Variants in CD96 observed in about 807,000 individuals in gnomAD.
CD96 encodes the protein T-cell surface protein tactile.
CD96 carries 70 observed loss-of-function variants against 71.3 expected under a neutral mutation model. The ratio of observed to expected loss-of-function variants is 0.98; its 90% CI spans 0.81 to 1.20. The LOEUF (loss-of-function observed/expected upper bound fraction) is 1.20, where lower values mean the gene tolerates loss of function less well. CD96 is among the 50% of genes most tolerant of loss of function. The pLI, the probability that CD96 is intolerant of heterozygous loss-of-function variation, is 0.00. For missense variants in CD96, 742 were observed against 677.5 expected, an observed-to-expected ratio of 1.10 and a Z score of -1.06; for synonymous variants, 248 against 233.0, an observed-to-expected ratio of 1.06 and a Z score of -0.59.
intron 2 of CD96, among the ~76,000 whole-genome samples, chr3:111,556,834 G>A (rs1241569770): frequency 6.6e-6 from 1 of 151,536 alleles, no homozygotes; most frequent in East Asian, 1.9e-4. Flanking sequence ...GTGTAAAAGT[G>A]TTCCTGTTTC....
At chr3:111,580,202 G>A (rs147506635) in intron 4 of CD96, among the ~76,000 whole-genome samples, 13 of 152,324 alleles carry the variant, frequency 8.5e-5, no homozygotes, top group African/African-American at 3.1e-4. Context: ...TGCACTCTCA[G>A]GAGTGTGGAG....
chr3:111,599,943 G>A (rs1226057588), intron 6 of CD96, among the ~76,000 whole-genome samples: 1 of 152,198 alleles, frequency 6.6e-6, no homozygotes, highest in African/African-American at 2.4e-5. Flanking sequence ...CTGACATATA[G>A]TGATAGTTGG....
chr3:111,569,647 A>G lies in CD96; in HGVS notation c.543+2000A>G, dbSNP rs368812353. Among the ~76,000 whole-genome samples the G allele has an allele frequency of 2.6e-5, 4 of 152,344 alleles. No individual in the cohort carries two copies. In the East Asian group the frequency reaches 7.7e-4, roughly 29 times the overall value. On this transcript the variant is annotated intron_variant, in intron 3 of 13. Transcript: ENST00000352690. ...CTGGTTTAATAAAGCCTTACTGTAG[A>G]TATTTTTACTGTAGTGTTCTTATCT...
downstream of CD96, among the ~76,000 whole-genome samples, chr3:111,653,713 T>C (rs1467488471): frequency 6.6e-6 from 1 of 152,214 alleles, no homozygotes; most frequent in Non-Finnish European, 1.5e-5. Flanking sequence ...ATTGCTTTGG[T>C]ATCTCCTTTT....
intron 2 of CD96, among the ~76,000 whole-genome samples, chr3:111,559,671 A>G (rs1576316269): frequency 7.2e-5 from 1 of 13,846 alleles, no homozygotes; most frequent in Non-Finnish European, 1.3e-4. Context: ...GTGCTGAAAA[A>G]AATGTATATT....
At chr3:111,663,345 G>A (rs1015618275) in intron 14 of CD96, among the ~76,000 whole-genome samples, 1 of 152,172 alleles carries the variant, frequency 6.6e-6, no homozygotes, top group African/African-American at 2.4e-5. Context: ...AGGACACAAA[G>A]CCAAACTGTA....
At chr3:111,637,738 A>C (rs1245114974) in intron 11 of CD96, among the ~76,000 whole-genome samples, 1 of 150,858 alleles carries the variant, frequency 6.6e-6, no homozygotes, top group Non-Finnish European at 1.5e-5. Context: ...TACCACTTAC[A>C]TTTCTCATGG....
intron 5 of CD96, chr3:111,594,808 C>G (rs1399094451): frequency 6.0e-6 from 1 of 167,202 alleles, no homozygotes; most frequent in East Asian, 1.9e-4. Flanking sequence ...TTCCTAAGAA[C>G]TGTTGCAACA....
chr3:111,665,152 G>A (rs1483542160), intron 14 of CD96, among the ~76,000 whole-genome samples: 1 of 151,822 alleles, frequency 6.6e-6, no homozygotes, highest in Non-Finnish European at 1.5e-5. Flanking sequence ...AAAGACAGAT[G>A]AATCTAGGTA....
intron 9 of CD96, 151 bp from the exon 10 acceptor site, chr3:111,624,182 A>G (rs1235103831): frequency 1.4e-5 from 10 of 689,890 alleles, no homozygotes; most frequent in Admixed American, 8.3e-5. Flanking sequence ...GCTTTTGCTT[A>G]ATATGCCAGC....
chr3:111,584,372 C>G (rs1936606303), intron 4 of CD96, among the ~76,000 whole-genome samples: 1 of 152,178 alleles, frequency 6.6e-6, no homozygotes, highest in Admixed American at 6.5e-5. Flanking sequence ...TCTGAGCCCT[C>G]CAAACTGTTT....
At position 111,651,314 on chromosome 3, in the gene CD96, T is replaced by C. The variant is rs953829044; in HGVS notation, c.*1508T>C. The C allele has an allele frequency of 6.6e-6, 1 of 152,176 alleles. No homozygotes were observed. The highest frequency in any genetic ancestry group is 1.5e-5 in the Non-Finnish European group (1 of 68,054). 9.4% of individuals were successfully genotyped at this position (152,176 alleles called of 1,614,324 possible). A position where few individuals can be genotyped will look rare whatever the true frequency, so the allele number is the denominator to read the frequency against. ...GGTCCCCTCCAATGCTGAATACAGATGATTTGTGTAACCTGAGGCCAGGAT... is the reference window on the plus strand; with the variant it reads ...GGTCCCCTCCAATGCTGAATACAGACGATTTGTGTAACCTGAGGCCAGGAT... On this transcript the variant is annotated 3_prime_UTR_variant, in exon 14 of 14. Transcript: ENST00000352690.
rs147566837 is a variant in CD96 at position 111,658,964 on chromosome 3, G to C, written c.*53-6563G>C. 3.1e-3 allele frequency among the ~76,000 whole-genome samples: 478 copies of C among 152,266 alleles called. 1 individual carries two copies. Among genetic ancestry groups the C allele is most frequent in the African/African-American group, 0.011 (442 of 41,550 alleles). Reference sequence around the variant, plus strand: ...TCTGGAATAGTTTCAGTAGGATCGTGTCAGTTCTTTGTACATCTGGTAGAA... The same window carrying C: ...TCTGGAATAGTTTCAGTAGGATCGTCTCAGTTCTTTGTACATCTGGTAGAA... On this transcript the variant is annotated intron_variant and NMD_transcript_variant, in intron 14 of 14. Transcript: ENST00000494798.
intron 3 of CD96, among the ~76,000 whole-genome samples, chr3:111,573,955 A>G (rs1194591184): frequency 6.6e-6 from 1 of 152,246 alleles, no homozygotes. Flanking sequence ...AGCAATGGTT[A>G]GAAATATATT....
chr3:111,566,177 CATAT>C (rs150813999), intron 2 of CD96, among the ~76,000 whole-genome samples: 1 of 149,700 alleles, frequency 6.7e-6, no homozygotes. Context: ...CGTTTTATAA[CATAT>C]ATATATATAT....
At chr3:111,631,609 T>C (rs1939065401) in intron 10 of CD96, among the ~76,000 whole-genome samples, 1 of 151,586 alleles carries the variant, frequency 6.6e-6, no homozygotes, top group Non-Finnish European at 1.5e-5. Flanking sequence ...TAAACTACCA[T>C]TGACATTCTT....
In CD96 at chr3:111,602,342, G is replaced by A. The variant is rs910704956; in HGVS notation, c.1087+1428G>A. ...CAGAAAATAATGAATACCTTTTTAG[G>A]TAATAGGAAGAACACTGATTCTGAT... On this transcript the variant is annotated intron_variant, in intron 7 of 13. Coordinates refer to ENST00000352690, the MANE Select transcript of CD96 (RefSeq NM_005816.5). 5.9e-5 allele frequency among the ~76,000 whole-genome samples: 9 copies of A among 151,892 alleles called. No homozygotes were observed. In the South Asian group the frequency reaches 1.0e-3, roughly 18 times the overall value.
At chr3:111,632,469 A>G (rs1939116144) in intron 10 of CD96, among the ~76,000 whole-genome samples, 1 of 152,222 alleles carries the variant, frequency 6.6e-6, no homozygotes, top group African/African-American at 2.4e-5. Context: ...TCAAAAAACA[A>G]CAGATGCTGA....
rs886057770 is a variant in CD96, at chr3:111,649,978, G to A, written c.*172G>A. 9 of 655,966 alleles carry A rather than the reference G, an allele frequency of 1.4e-5. No homozygotes were observed. The highest frequency in any genetic ancestry group is 3.4e-4 in the Middle Eastern group (1 of 2,980). The allele number at this position is 655,966 out of a possible 1,614,324, so 40.6% of individuals were successfully genotyped here. A position where few individuals can be genotyped will look rare whatever the true frequency, so the allele number is the denominator to read the frequency against. ...AACTCACCCTCTTCCATCTCCAAAC[G>A]CCTGAAGCTTAACCAAGAGTGAGAG... On this transcript the variant is annotated 3_prime_UTR_variant, in exon 14 of 14. Coordinates refer to ENST00000352690, the MANE Select transcript of CD96 (RefSeq NM_005816.5).
Sources: allele counts gnomAD v4.1 joint callset (sites outside exome capture counted in the v4.1 genomes callset), GRCh38; gene constraint gnomAD v4.1.1; transcripts MANE v1.5; gene names NCBI Gene and HGNC (gene_info 2026-07-23, HGNC 2026-07-21).